Variants in SLC44A1 observed in about 807,000 individuals in gnomAD.
The protein encoded by SLC44A1 is solute carrier family 44 member 1, also known as choline transporter-like protein 1.
A neutral mutation model predicts 79.3 loss-of-function variants in SLC44A1; 26 were observed. That is an observed-to-expected ratio of 0.33 (90% CI 0.24 to 0.46). The LOEUF is 0.46. Among genes scored for constraint, SLC44A1 ranks in the 20% least tolerant of loss-of-function variants. The probability of loss-of-function intolerance (pLI) is 1.00; values close to 1 mark genes in which losing one functional copy is unlikely to be tolerated. For missense variants in SLC44A1, 688 were observed against 798.1 expected (o/e 0.86, Z 1.66); for synonymous variants, 263 against 286.2 (o/e 0.92, Z 0.82).
At chr9:105,315,688 G>A (rs1257836456) in intron 3 of SLC44A1, among the ~76,000 whole-genome samples, 1 of 152,122 alleles carries the variant, frequency 6.6e-6, no homozygotes, top group Non-Finnish European at 1.5e-5. Flanking sequence ...CTCTTTTGAA[G>A]ACTTTTTAAA....
intron 7 of SLC44A1, among the ~76,000 whole-genome samples, chr9:105,360,384 G>C (rs1827744432): frequency 6.6e-6 from 1 of 151,958 alleles, no homozygotes; most frequent in Non-Finnish European, 1.5e-5. Context: ...ATTTTTCCTT[G>C]TTTTCTTATT....
chr9:105,323,090 C>T (rs1388871138), intron 3 of SLC44A1, among the ~76,000 whole-genome samples: 1 of 149,744 alleles, frequency 6.7e-6, no homozygotes, highest in East Asian at 1.9e-4. Flanking sequence ...GTGGCGGGCA[C>T]CTGTAATCCC....
Position 105,397,097 on chromosome 9 carries a change from G to A in SLC44A1, c.*8041G>A. The A allele has an allele frequency of 8.1e-6, 8 of 985,384 alleles. No homozygotes were observed. Among genetic ancestry groups the A allele is most frequent in the Non-Finnish European group, 9.6e-6 (8 of 829,924 alleles). The allele number at this position is 985,384 out of a possible 1,614,324, so 61.0% of individuals were successfully genotyped here. A position where few individuals can be genotyped will look rare whatever the true frequency, so the allele number is the denominator to read the frequency against. On this transcript the variant is annotated 3_prime_UTR_variant, in exon 16 of 16. Coordinates refer to ENST00000374720, the MANE Select transcript of SLC44A1 (RefSeq NM_080546.5). ...AGTTGGAGTTATCAAATCTTGCTGG[G>A]AAATTAACTTCCAAGAGCTCTGAAT...
At position 105,413,339 on chromosome 9, in the gene SLC44A1, C is replaced by G. The variant is rs555240598; in HGVS notation, c.1951-24942C>G. Among the ~76,000 whole-genome samples, 19 of 152,286 alleles carry G rather than the reference C, an allele frequency of 1.2e-4. No individual in the cohort carries two copies. In the South Asian group the frequency reaches 3.7e-3, roughly 30 times the overall value. On this transcript the variant is annotated intron_variant, in intron 15 of 15. Transcript: ENST00000374724. ...CTTGAAGTGGTCGTATGACATAGTT[C>G]TGCCCAATGAGATATAAGCTGAAGA...
At position 105,356,386 on chromosome 9, in the gene SLC44A1, T is replaced by C. The variant is rs1564455809; in HGVS notation, c.670+5T>C. ...GACTTTGCTTGTTATCACTAGGTAA[T>C]TGTTTTTCTCATTATTAGCTATTGC... On this transcript the variant is annotated splice_donor_5th_base_variant and intron_variant, in intron 6 of 15. Transcript: ENST00000374720. 4 of 1,576,372 alleles carry C rather than the reference T, an allele frequency of 2.5e-6. No homozygotes were observed. Among genetic ancestry groups the C allele is most frequent in the Non-Finnish European group, 3.4e-6 (4 of 1,159,462 alleles).
At chr9:105,247,304 T>G (rs77618054) in intron 1 of SLC44A1, among the ~76,000 whole-genome samples, 2,355 of 152,250 alleles carry the variant, frequency 0.015, 63 homozygotes, top group African/African-American at 0.053. Flanking sequence ...CTTTTTTTTG[T>G]TTTTCTTCAG....
At chr9:105,432,669 T>A (rs1829412153) in intron 15 of SLC44A1, among the ~76,000 whole-genome samples, 1 of 152,226 alleles carries the variant, frequency 6.6e-6, no homozygotes, top group Non-Finnish European at 1.5e-5. Context: ...TGTCTGGTAA[T>A]GTTTAATCTT....
intron 9 of SLC44A1, among the ~76,000 whole-genome samples, chr9:105,364,255 A>G (rs1345152956): frequency 2.0e-5 from 3 of 152,246 alleles, no homozygotes; most frequent in African/African-American, 7.2e-5. Flanking sequence ...TAGGCCTTGA[A>G]AAAAACTGAA....
At position 105,390,854 on chromosome 9, in the gene SLC44A1, A is replaced by G. The variant is rs938655724; in HGVS notation, c.*1798A>G. The G allele has an allele frequency of 7.1e-6, 7 of 985,624 alleles. No individual in the cohort carries two copies. Among genetic ancestry groups the G allele is most frequent in the African/African-American group, 7.0e-5 (4 of 57,226 alleles). The allele number at this position is 985,624 out of a possible 1,614,324, so 61.1% of individuals were successfully genotyped here. On this transcript the variant is annotated 3_prime_UTR_variant, in exon 16 of 16. Coordinates refer to ENST00000374720, the MANE Select transcript of SLC44A1 (RefSeq NM_080546.5). ...GGAAACCAACATTGCGAGAGTAGCTATTTTGAAAGAATAATTCTCCAGAAG... is the reference window on the plus strand; with the variant it reads ...GGAAACCAACATTGCGAGAGTAGCTGTTTTGAAAGAATAATTCTCCAGAAG...
intron 1 of SLC44A1, among the ~76,000 whole-genome samples, chr9:105,264,307 A>T (rs984421467): frequency 1.3e-5 from 2 of 151,986 alleles, no homozygotes; most frequent in African/African-American, 2.4e-5. Context: ...GGGACCACAG[A>T]TTTGCACCAC....
chr9:105,432,748 T>G (rs1829412943), intron 15 of SLC44A1, among the ~76,000 whole-genome samples: 1 of 152,226 alleles, frequency 6.6e-6, no homozygotes, highest in African/African-American at 2.4e-5. Flanking sequence ...TCAGTGCAAG[T>G]ACTATTGCAG....
intron 2 of SLC44A1, among the ~76,000 whole-genome samples, chr9:105,300,808 C>T (rs983993965): frequency 6.7e-6 from 1 of 148,300 alleles, no homozygotes; most frequent in Admixed American, 6.7e-5. Flanking sequence ...CAGAATTTTG[C>T]TCTTGTTGCC....
chr9:105,354,217 A>G (rs938966239), intron 5 of SLC44A1, among the ~76,000 whole-genome samples: 1 of 149,348 alleles, frequency 6.7e-6, no homozygotes, highest in African/African-American at 2.5e-5. Flanking sequence ...CGCCCGGCTA[A>G]TTTTTTGTAT....
intron 15 of SLC44A1, among the ~76,000 whole-genome samples, chr9:105,387,309 C>T (rs956221473): frequency 3.3e-5 from 5 of 151,768 alleles, no homozygotes; most frequent in African/African-American, 1.2e-4. Flanking sequence ...TTTAGAATCC[C>T]AGAGCACAGA....
intron 15 of SLC44A1, among the ~76,000 whole-genome samples, chr9:105,410,685 G>A (rs1054832784): frequency 7.9e-5 from 12 of 152,142 alleles, no homozygotes; most frequent in Non-Finnish European, 1.6e-4. Context: ...TGGGATGCAG[G>A]TATATATCCC....
Position 105,390,923 on chromosome 9 carries a change from C to G in SLC44A1, c.*1867C>G. The G allele has an allele frequency of 1.0e-6, 1 of 979,344 alleles. No individual in the cohort carries two copies. Among genetic ancestry groups the G allele is most frequent in the Non-Finnish European group, 1.2e-6 (1 of 824,164 alleles). 60.7% of individuals were successfully genotyped at this position (979,344 alleles called of 1,614,324 possible). On this transcript the variant is annotated 3_prime_UTR_variant, in exon 16 of 16. Coordinates refer to ENST00000374720, the MANE Select transcript of SLC44A1 (RefSeq NM_080546.5). ...TATCACCAAACAGTATCGCTGTTCT[C>G]TTTTATTCATTTGAAATGAATATAA...
intron 5 of SLC44A1, among the ~76,000 whole-genome samples, chr9:105,353,841 G>C (rs997531403): frequency 4.6e-5 from 7 of 152,058 alleles, no homozygotes; most frequent in South Asian, 2.1e-4. Context: ...ATGAAACAGA[G>C]AGGATTTTAG....
rs150628252 is a variant in SLC44A1 at position 105,336,517 on chromosome 9, C to A, written c.406+818C>A. Among the ~76,000 whole-genome samples the A allele has an allele frequency of 1.8e-3, 272 of 152,178 alleles. 1 individual carries two copies. The highest frequency in any genetic ancestry group is 6.2e-3 in the African/African-American group (258 of 41,524). On this transcript the variant is annotated intron_variant, in intron 4 of 15. Transcript: ENST00000374720. ...TTTTTTTAACCACCCTTTGTAGAGG[C>A]CTATCTTTTTGAATTTCCTTGAGGT...
At chr9:105,374,869 T>C in intron 13 of SLC44A1, 134 bp downstream of exon 13, 1 of 646,274 alleles carries the variant, frequency 1.5e-6, no homozygotes, top group Non-Finnish European at 2.7e-6. Flanking sequence ...GCCCTTACTG[T>C]GTGTCCAGCA....
Sources: gnomAD v4.1 joint callset for allele counts (sites outside exome capture counted in the v4.1 genomes callset) on GRCh38, gnomAD v4.1.1 for gene constraint, MANE v1.5 for transcripts, NCBI Gene and HGNC (gene_info 2026-07-23, HGNC 2026-07-21) for gene names.